The following FRMD3 variants were observed in gnomAD, a reference collection of about 807,000 sequenced individuals.
FRMD3 encodes the protein FERM domain containing 3, also known as FERM domain-containing protein 3.
FRMD3 carries 33 observed loss-of-function variants against 70.2 expected under a neutral mutation model. The observed-to-expected ratio is 0.47, with a 90% CI of 0.36 to 0.63. The LOEUF (loss-of-function observed/expected upper bound fraction) is 0.63, where lower values mean the gene tolerates loss of function less well. Among genes scored for constraint, FRMD3 ranks in the 20% least tolerant of loss-of-function variants. FRMD3 has a pLI of 0.00. For missense variants in FRMD3, 632 were observed against 711.4 expected (o/e 0.89, Z 1.27); for synonymous variants, 279 against 255.9 (o/e 1.09, Z -0.86).
Position 83,393,478 on chromosome 9 carries a change from C to T in FRMD3, c.148-3770G>A, listed in dbSNP as rs1825725040. Among the ~76,000 whole-genome samples, 4 of 151,902 alleles carry T rather than the reference C, an allele frequency of 2.6e-5. No homozygotes were observed. The South Asian group carries it at 6.2e-4, about 24-fold the overall frequency. On this transcript the variant is annotated intron_variant, in intron 1 of 13. Transcript: ENST00000304195. ...GGATGGTTTCAGGATGATTCAGGCA[C>T]CTAACATTTATTGTGCACTTTATTT...
chr9:83,477,681 G>A (rs910798573), intron 1 of FRMD3, among the ~76,000 whole-genome samples: 1 of 152,140 alleles, frequency 6.6e-6, no homozygotes, highest in African/African-American at 2.4e-5. Flanking sequence ...ATCCTGGAGA[G>A]GAAGAGTATT....
At chr9:83,445,418 C>T (rs72745096) in intron 1 of FRMD3, among the ~76,000 whole-genome samples, 33,662 of 151,968 alleles carry the variant, frequency 0.22, 3,876 homozygotes, top group Non-Finnish European at 0.26. Context: ...ACAGCAGCCA[C>T]ACCAGAGGCA....
chr9:83,296,902 C>G (rs1250229245), intron 12 of FRMD3, among the ~76,000 whole-genome samples: 1 of 152,188 alleles, frequency 6.6e-6, no homozygotes, highest in African/African-American at 2.4e-5. Flanking sequence ...TGACCATCAT[C>G]TGAGAAAATG....
intron 6 of FRMD3, among the ~76,000 whole-genome samples, chr9:83,331,699 G>A (rs1418156291): frequency 6.6e-6 from 1 of 152,030 alleles, no homozygotes; most frequent in Admixed American, 6.5e-5. Flanking sequence ...GGGGTATAGA[G>A]GAAATCTCTG....
chr9:83,466,537 C>T (rs1446749212), intron 1 of FRMD3, among the ~76,000 whole-genome samples: 3 of 152,088 alleles, frequency 2.0e-5, no homozygotes, highest in African/African-American at 4.8e-5. Context: ...CAAATTTAAA[C>T]GCCATGTGCT....
chr9:83,457,938 A>G (rs1827866745), intron 1 of FRMD3, among the ~76,000 whole-genome samples: 2 of 151,828 alleles, frequency 1.3e-5, no homozygotes, highest in South Asian at 4.2e-4. Context: ...ATACCTCAAT[A>G]AAGCTGAAAA....
At chr9:83,524,944 A>T (rs1462958218) in intron 1 of FRMD3, among the ~76,000 whole-genome samples, 3 of 152,188 alleles carry the variant, frequency 2.0e-5, no homozygotes, top group Non-Finnish European at 4.4e-5. Context: ...ACCGGCCAAA[A>T]AATAACATTA....
At chr9:83,273,120 A>T (rs377683454) in intron 13 of FRMD3, among the ~76,000 whole-genome samples, 1 of 151,980 alleles carries the variant, frequency 6.6e-6, no homozygotes, top group Non-Finnish European at 1.5e-5. Context: ...CTGCCACCCC[A>T]TCTGGGAGGT....
At position 83,244,631 on chromosome 9, in the gene FRMD3, A is replaced by G; in HGVS notation, c.*3287T>C. 2.0e-6 allele frequency: 2 copies of G among 982,888 alleles called. No homozygotes were observed. Among genetic ancestry groups the G allele is most frequent in the Non-Finnish European group, 2.4e-6 (2 of 827,632 alleles). 60.9% of individuals were successfully genotyped at this position (982,888 alleles called of 1,614,324 possible). A position where few individuals can be genotyped will look rare whatever the true frequency, so the allele number is the denominator to read the frequency against. Reference sequence around the variant, plus strand: ...GAATGATTGCAAAAAATTTTACCCCAGAGTATTTTTATTAGGGATTCCTGC... The same window carrying G: ...GAATGATTGCAAAAAATTTTACCCCGGAGTATTTTTATTAGGGATTCCTGC... On this transcript the variant is annotated 3_prime_UTR_variant, in exon 14 of 14. Coordinates refer to ENST00000304195, the MANE Select transcript of FRMD3 (RefSeq NM_174938.6).
At chr9:83,516,642 T>G (rs1204744489) in intron 1 of FRMD3, among the ~76,000 whole-genome samples, 1 of 152,110 alleles carries the variant, frequency 6.6e-6, no homozygotes, top group Admixed American at 6.5e-5. Flanking sequence ...TCTTCAGAAC[T>G]CTCCACCCCA....
chr9:83,450,835 G>A lies in FRMD3; in HGVS notation c.148-61127C>T, dbSNP rs529720782. ...GGGGACACCGAGGGCCTGCACTCAC[G>A]GAGTAACTCAAAGTCGGAGCAGTGT... is the stretch of plus-strand genomic sequence containing the variant. On this transcript the variant is annotated intron_variant, in intron 1 of 13. Transcript: ENST00000304195. Among the ~76,000 whole-genome samples the A allele has an allele frequency of 4.6e-5, 7 of 152,326 alleles. No homozygotes were observed. The East Asian group carries it at 9.6e-4, about 21-fold the overall frequency.
At chr9:83,394,150 C>A (rs909573722) in intron 1 of FRMD3, among the ~76,000 whole-genome samples, 4 of 152,002 alleles carry the variant, frequency 2.6e-5, no homozygotes, top group Non-Finnish European at 4.4e-5. Context: ...CTTCTCTGCC[C>A]ATTTTTCAGA....
intron 1 of FRMD3, among the ~76,000 whole-genome samples, chr9:83,504,027 T>C (rs1829129912): frequency 6.6e-6 from 1 of 152,296 alleles, no homozygotes; most frequent in South Asian, 2.1e-4. Context: ...ACACTCCGCA[T>C]CCTGCTGCAG....
intron 2 of FRMD3, among the ~76,000 whole-genome samples, chr9:83,382,108 C>T (rs1166079665): frequency 6.6e-6 from 1 of 151,712 alleles, no homozygotes; most frequent in Non-Finnish European, 1.5e-5. Context: ...AACTAAAATG[C>T]AATCATCTAT....
intron 13 of FRMD3, among the ~76,000 whole-genome samples, chr9:83,264,538 G>T (rs977253200): frequency 2.0e-4 from 31 of 152,094 alleles, no homozygotes; most frequent in African/African-American, 7.5e-4. Context: ...TGATGATGGG[G>T]GAGGCTGAGC....
chr9:83,441,087 C>T (rs1031098154), intron 1 of FRMD3, among the ~76,000 whole-genome samples: 2 of 152,096 alleles, frequency 1.3e-5, no homozygotes, highest in African/African-American at 4.8e-5. Context: ...TGTGTGACCA[C>T]GATCAGAAGA....
chr9:83,284,998 G>A (rs1834130422), intron 13 of FRMD3, among the ~76,000 whole-genome samples: 1 of 152,240 alleles, frequency 6.6e-6, no homozygotes, highest in South Asian at 2.1e-4. Context: ...GTGTTCGGGT[G>A]GAGGGTGGGT....
chr9:83,284,164 G>C (rs368692544), intron 13 of FRMD3, among the ~76,000 whole-genome samples: 3 of 146,384 alleles, frequency 2.0e-5, no homozygotes, highest in African/African-American at 7.6e-5. Context: ...AAGGCAAACA[G>C]CAATCACAAA....
intron 1 of FRMD3, among the ~76,000 whole-genome samples, chr9:83,455,564 G>A (rs1366672837): frequency 3.3e-5 from 5 of 152,190 alleles, no homozygotes; most frequent in Non-Finnish European, 7.3e-5. Flanking sequence ...CCCCAGCCAT[G>A]TGGAACTATA....
Sources: gnomAD v4.1 joint callset for allele counts (sites outside exome capture counted in the v4.1 genomes callset) on GRCh38, gnomAD v4.1.1 for gene constraint, MANE v1.5 for transcripts, NCBI Gene and HGNC (gene_info 2026-07-23, HGNC 2026-07-21) for gene names.